Variants in SND1 observed in about 807,000 individuals in gnomAD.
SND1 encodes staphylococcal nuclease and tudor domain containing 1, also known as staphylococcal nuclease domain-containing protein 1.
In SND1, 38 loss-of-function variants were observed where a neutral mutation model predicts 121.7. That is an observed-to-expected ratio of 0.31 (90% CI 0.24 to 0.41). The LOEUF is 0.41. Ranked by LOEUF, SND1 falls within the 10% of genes least tolerant of loss-of-function variation. SND1 has a pLI of 1.00. For missense variants in SND1, 868 were observed against 1,184.6 expected, an observed-to-expected ratio of 0.73 and a Z score of 3.92; for synonymous variants, 401 against 447.4, an observed-to-expected ratio of 0.90 and a Z score of 1.31.
intron 16 of SND1, among the ~76,000 whole-genome samples, chr7:128,006,070 C>G (rs545723692): frequency 1.1e-3 from 163 of 152,222 alleles, no homozygotes; most frequent in African/African-American, 3.6e-3. Context: ...TTCAGCTGAC[C>G]CTGGGGGAAT....
Position 127,929,181 on chromosome 7 carries a change from C to T in SND1, c.1528-7C>T, listed in dbSNP as rs747225442. ...TCCAGTTACTCTTTTCCTCTTTTCT[C>T]CATCAGGATACCCAAAAAGCAAAGC... is the stretch of plus-strand genomic sequence containing the variant. On this transcript the variant is annotated splice_polypyrimidine_tract_variant and splice_region_variant and intron_variant, in intron 14 of 23. Coordinates refer to ENST00000354725, the MANE Select transcript of SND1 (RefSeq NM_014390.4). 11 of 1,613,620 alleles carry T rather than the reference C, an allele frequency of 6.8e-6. No individual in the cohort carries two copies. Among genetic ancestry groups the T allele is most frequent in the Non-Finnish European group, 9.3e-6 (11 of 1,179,732 alleles).
chr7:127,957,350 C>A (rs1014168533), intron 15 of SND1, among the ~76,000 whole-genome samples: 3 of 152,170 alleles, frequency 2.0e-5, no homozygotes, highest in African/African-American at 7.2e-5. Context: ...GCCCTGTGTA[C>A]GCTATAGCCA....
intron 16 of SND1, among the ~76,000 whole-genome samples, chr7:128,066,577 T>C (rs73721293): frequency 0.019 from 2,940 of 152,288 alleles, 107 homozygotes; most frequent in African/African-American, 0.067. Flanking sequence ...CCAGGAGGTA[T>C]TGCATAGGCA....
chr7:127,718,590 A>G, intron 9 of SND1: 1 of 985,392 alleles, frequency 1.0e-6, no homozygotes, highest in Non-Finnish European at 1.2e-6. Context: ...GAGGTTTCTA[A>G]TCAGGGAGAT....
chr7:127,771,309 T>C (rs147495657), intron 10 of SND1, among the ~76,000 whole-genome samples: 1 of 152,320 alleles, frequency 6.6e-6, no homozygotes, highest in African/African-American at 2.4e-5. Context: ...TTAAGGTTTT[T>C]GTTTTCCATA....
chr7:127,952,534 G>T (rs1801484264), intron 15 of SND1, among the ~76,000 whole-genome samples: 2 of 150,110 alleles, frequency 1.3e-5, no homozygotes, highest in African/African-American at 2.5e-5. Flanking sequence ...GAGCTTTCTT[G>T]TATTTTTTCA....
intron 10 of SND1, among the ~76,000 whole-genome samples, chr7:127,778,521 C>T (rs1018235555): frequency 3.9e-5 from 6 of 152,164 alleles, no homozygotes; most frequent in African/African-American, 1.4e-4. Context: ...AAATGCTTTT[C>T]TTGTCATCTT....
At chr7:128,041,434 C>CT (rs1266860476) in intron 16 of SND1, among the ~76,000 whole-genome samples, 2 of 152,234 alleles carry the variant, frequency 1.3e-5, no homozygotes, top group Admixed American at 6.5e-5. Flanking sequence ...TGCTGCGTTC[C>CT]TTTTTTATTA....
chr7:127,771,915 G>C (rs561505321), intron 10 of SND1, among the ~76,000 whole-genome samples: 3 of 151,882 alleles, frequency 2.0e-5, no homozygotes, highest in Non-Finnish European at 2.9e-5. Flanking sequence ...CTTCCGGCTG[G>C]GCCATCTATT....
At chr7:127,915,082 A>G (rs1343377302) in intron 14 of SND1, among the ~76,000 whole-genome samples, 1 of 152,052 alleles carries the variant, frequency 6.6e-6, no homozygotes, top group East Asian at 1.9e-4. Context: ...CAGTGGCGCA[A>G]TCTCAGCTCA....
chr7:127,833,840 C>T (rs1032953831), intron 11 of SND1, among the ~76,000 whole-genome samples: 1 of 152,152 alleles, frequency 6.6e-6, no homozygotes, highest in Non-Finnish European at 1.5e-5. Flanking sequence ...CTTGCACAAT[C>T]GAAACTCTAT....
At chr7:127,995,588 C>A (rs1468641773) in intron 16 of SND1, among the ~76,000 whole-genome samples, 1 of 152,254 alleles carries the variant, frequency 6.6e-6, no homozygotes, top group Non-Finnish European at 1.5e-5. Context: ...GCATTCCTGT[C>A]TAAAACACTG....
rs181507900 is a variant in SND1 at position 127,698,192 on chromosome 7, G to A, written c.350-683G>A. Among the ~76,000 whole-genome samples, 861 of 152,270 alleles carry A rather than the reference G, an allele frequency of 5.7e-3. 13 individuals carry two copies. The highest frequency in any genetic ancestry group is 0.024 in the Middle Eastern group (7 of 294). On this transcript the variant is annotated intron_variant, in intron 3 of 23. Transcript: ENST00000354725. ...TCTCAGTATCCCTATGAGAGCAAGA[G>A]AAAGTCTTTGTCAAATGGTGTAGCT...
intron 10 of SND1, among the ~76,000 whole-genome samples, chr7:127,789,190 T>C (rs1797866822): frequency 6.6e-6 from 1 of 152,220 alleles, no homozygotes; most frequent in Non-Finnish European, 1.5e-5. Flanking sequence ...CCAACTCTAC[T>C]GGGTTCTCTG....
intron 1 of SND1, among the ~76,000 whole-genome samples, chr7:127,668,687 G>T (rs967573681): frequency 1.3e-5 from 2 of 152,170 alleles, no homozygotes; most frequent in Admixed American, 1.3e-4. Context: ...GTGAATGAAA[G>T]CCGAACCCCT....
At chr7:127,728,040 T>C (rs1487354497) in intron 10 of SND1, among the ~76,000 whole-genome samples, 1 of 152,198 alleles carries the variant, frequency 6.6e-6, no homozygotes, top group African/African-American at 2.4e-5. Flanking sequence ...GGTATCTGGA[T>C]AGATAGCAGA....
chr7:127,942,763 TC>T (rs1173354915), intron 15 of SND1, among the ~76,000 whole-genome samples: 2 of 152,192 alleles, frequency 1.3e-5, no homozygotes, highest in African/African-American at 4.8e-5. Context: ...TATTTTTATT[TC>T]CCCACTTTCT....
intron 10 of SND1, among the ~76,000 whole-genome samples, chr7:127,760,649 G>A (rs1361066416): frequency 1.3e-5 from 2 of 152,144 alleles, no homozygotes; most frequent in African/African-American, 4.8e-5. Context: ...GTCTAAAAAG[G>A]CACCTCTCTG....
At chr7:127,718,780 C>A (rs1796437218) in intron 9 of SND1, 1 of 979,536 alleles carries the variant, frequency 1.0e-6, no homozygotes, top group South Asian at 4.7e-5. Flanking sequence ...ATGATACTTT[C>A]TTTGGTTTTA....
Sources: allele counts gnomAD v4.1 joint callset (sites outside exome capture counted in the v4.1 genomes callset), GRCh38; gene constraint gnomAD v4.1.1; transcripts MANE v1.5; gene names NCBI Gene and HGNC (gene_info 2026-07-23, HGNC 2026-07-21).